The following EDA2R variants were observed in gnomAD, a reference collection of about 807,000 sequenced individuals.
EDA2R encodes ectodysplasin A2 receptor.
EDA2R carries 26 observed loss-of-function variants against 20.1 expected under a neutral mutation model. That is an observed-to-expected ratio of 1.30 (90% CI 0.95 to 1.80). The LOEUF (loss-of-function observed/expected upper bound fraction) is 1.80. Among genes scored for constraint, EDA2R ranks in the 40% most tolerant of loss-of-function variants. The probability of loss-of-function intolerance (pLI) is 0.00; values close to 1 mark genes in which losing one functional copy is unlikely to be tolerated. For synonymous variants in EDA2R, 114 were observed against 88.7 expected, an observed-to-expected ratio of 1.29 and a Z score of -1.60; for missense variants, 277 against 228.7, an observed-to-expected ratio of 1.21 and a Z score of -1.36.
intron 2 of EDA2R, among the ~76,000 whole-genome samples, chrX:66,605,676 A>G (rs1235659799): frequency 1.8e-5 from 2 of 111,649 alleles, no homozygotes; most frequent in East Asian, 2.8e-4. Context: ...AAGCTCTTAA[A>G]GTTTTCCCCA....
intron 1 of EDA2R, among the ~76,000 whole-genome samples, chrX:66,627,551 C>A (rs760037284): frequency 8.9e-6 from 1 of 112,457 alleles, no homozygotes; most frequent in Admixed American, 9.4e-5. Flanking sequence ...ATTATATCAT[C>A]ATACAAGTCC....
intron 2 of EDA2R, among the ~76,000 whole-genome samples, chrX:66,610,017 A>G (rs1930439920): frequency 9.0e-6 from 1 of 111,582 alleles, no homozygotes; most frequent in African/African-American, 3.3e-5. Flanking sequence ...GAAGCAGTAA[A>G]GGAAAGATAG....
At chrX:66,630,918 CAT>C (rs1933711628) in intron 1 of EDA2R, among the ~76,000 whole-genome samples, 2 of 107,830 alleles carry the variant, frequency 1.9e-5, no homozygotes, top group Non-Finnish European at 3.9e-5. Flanking sequence ...CACACATGTA[CAT>C]GTGTGTATAT....
intron 1 of EDA2R, among the ~76,000 whole-genome samples, chrX:66,616,574 C>T (rs1215745854): frequency 8.9e-6 from 1 of 112,575 alleles, no homozygotes; most frequent in Non-Finnish European, 1.9e-5. Flanking sequence ...TTTCTCTTTG[C>T]CAACAGTGGC....
chrX:66,614,620 G>C (rs1458245755), intron 2 of EDA2R, among the ~76,000 whole-genome samples: 3 of 112,290 alleles, frequency 2.7e-5, no homozygotes, highest in East Asian at 5.6e-4. Flanking sequence ...CCCACTGTGG[G>C]ACATAATGCC....
chrX:66,600,031 A>T, intron 5 of EDA2R, 171 bp from the exon 6 acceptor site: 35 of 1,158,652 alleles, frequency 3.0e-5, no homozygotes, highest in Non-Finnish European at 3.8e-5. Flanking sequence ...GTTGAGAAAC[A>T]TACTTACATT....
At chrX:66,620,922 T>A (rs1160641321) in intron 1 of EDA2R, among the ~76,000 whole-genome samples, 1 of 65,378 alleles carries the variant, frequency 1.5e-5, no homozygotes, top group Admixed American at 2.2e-4. Flanking sequence ...ACAAAGGGAA[T>A]GAAAATGAAA....
In EDA2R at chrX:66,602,375, G is replaced by A. The variant is rs375916036; in HGVS notation, c.517+258C>T. 3.2e-4 allele frequency among the ~76,000 whole-genome samples: 35 copies of A among 110,902 alleles called. No homozygotes were observed. In the East Asian group the frequency reaches 4.0e-3, roughly 13 times the overall value. On this transcript the variant is annotated intron_variant, in intron 5 of 6. Coordinates refer to ENST00000374719, the MANE Select transcript of EDA2R (RefSeq NM_021783.5). Reference sequence around the variant, plus strand: ...TTCCTTTCCTGAGGGGTTTCCCACCGTGCCACATTCCTTTAAAATCCCCTG... The same window carrying A: ...TTCCTTTCCTGAGGGGTTTCCCACCATGCCACATTCCTTTAAAATCCCCTG...
chrX:66,605,418 A>G (rs1488046287), intron 2 of EDA2R, among the ~76,000 whole-genome samples, 192 bp from the exon 3 acceptor site: 3 of 112,699 alleles, frequency 2.7e-5, no homozygotes, highest in African/African-American at 9.7e-5. Context: ...AGTATCAAAT[A>G]TAAGAGTACA....
At chrX:66,631,032 CAT>C (rs757832996) in intron 1 of EDA2R, among the ~76,000 whole-genome samples, 11 of 108,720 alleles carry the variant, frequency 1.0e-4, no homozygotes, top group South Asian at 4.0e-4. Flanking sequence ...TATACACACA[CAT>C]GTGTGTATAT....
rs781582663 is a variant in EDA2R at position 66,605,046 on chromosome X, A to C, written c.266+2T>G. The C allele has an allele frequency of 1.7e-6, 2 of 1,195,843 alleles. No homozygotes were observed. The highest frequency in any genetic ancestry group is 4.5e-5 in the Admixed American group (2 of 44,546). On this transcript the variant is annotated splice_donor_variant, in intron 3 of 6. Transcript: ENST00000374719. LOFTEE classifies it high-confidence loss of function. ...AAGCTTGGTCTCATAAAGCAAGCTC[A>C]CCTGGGCAAACAGTCCCCACAGACA...
chrX:66,615,863 T>C, intron 2 of EDA2R, 71 bp downstream of exon 2: 1 of 884,975 alleles, frequency 1.1e-6, no homozygotes. Context: ...CCCCTAATCT[T>C]GGCCTCTTTC....
At chrX:66,629,067 TA>T (rs1933441249) in intron 1 of EDA2R, among the ~76,000 whole-genome samples, 1 of 111,852 alleles carries the variant, frequency 8.9e-6, no homozygotes, top group Non-Finnish European at 1.9e-5. Flanking sequence ...ATATACCCCA[TA>T]AACAGAATTT....
At chrX:66,625,169 C>A (rs188672380) in intron 1 of EDA2R, among the ~76,000 whole-genome samples, 23 of 111,467 alleles carry the variant, frequency 2.1e-4, no homozygotes, top group African/African-American at 7.5e-4. Context: ...GCATCCTGGC[C>A]AGAACTTGGG....
At chrX:66,636,549 A>G (rs1415628674) in intron 1 of EDA2R, among the ~76,000 whole-genome samples, 1 of 110,344 alleles carries the variant, frequency 9.1e-6, no homozygotes, top group Non-Finnish European at 1.9e-5. Context: ...TCAGCTTAGC[A>G]AAAGGAAGAA....
intron 2 of EDA2R, among the ~76,000 whole-genome samples, chrX:66,611,100 G>A (rs1342087759): frequency 1.8e-5 from 2 of 111,578 alleles, no homozygotes; most frequent in Non-Finnish European, 3.8e-5. Flanking sequence ...CTATACCTGA[G>A]GCAGCACAAG....
intron 1 of EDA2R, among the ~76,000 whole-genome samples, chrX:66,628,712 A>G (rs1312135183): frequency 2.7e-5 from 3 of 110,316 alleles, no homozygotes; most frequent in Non-Finnish European, 3.8e-5. Flanking sequence ...TACCAAAAAA[A>G]AAAAAAAATC....
chrX:66,598,787 G>A (rs1417340590), intron 6 of EDA2R, among the ~76,000 whole-genome samples: 2 of 112,042 alleles, frequency 1.8e-5, no homozygotes, highest in African/African-American at 3.2e-5. Flanking sequence ...GAAGAAATAC[G>A]GAAGTGGGCA....
rs1012371702 is a variant in EDA2R, at chrX:66,598,000, G to C, written c.*104C>G. 1 of 960,983 alleles carries C rather than the reference G, an allele frequency of 1.0e-6. No individual in the cohort carries two copies. The allele number at this position is 960,983 out of a possible 1,213,427, so 79.2% of individuals were successfully genotyped here. On this transcript the variant is annotated 3_prime_UTR_variant, in exon 7 of 7. Transcript: ENST00000374719. ...CCCCATCTGTAGGGTATTAGCTCTT[G>C]TGGACATCACATTTCAGGCCCCTGC...
Sources: allele counts gnomAD v4.1 joint callset (sites outside exome capture counted in the v4.1 genomes callset), GRCh38; gene constraint gnomAD v4.1.1; transcripts MANE v1.5; gene names NCBI Gene and HGNC (gene_info 2026-07-23, HGNC 2026-07-21).